Variants in RORA observed in about 807,000 individuals in gnomAD.
RORA encodes the protein RAR related orphan receptor A, also known as nuclear receptor ROR-alpha.
Under a neutral mutation model 69.5 loss-of-function variants are expected in RORA, and 7 were observed. The observed-to-expected ratio is 0.10, with a 90% CI of 0.06 to 0.19. RORA has a LOEUF of 0.19. Ranked by LOEUF, RORA falls within the 10% of genes least tolerant of loss-of-function variation. The pLI is 1.00. For missense variants in RORA, 457 were observed against 663.0 expected (o/e 0.69, Z 3.41); for synonymous variants, 261 against 240.8 (o/e 1.08, Z -0.78).
intron 1 of RORA, among the ~76,000 whole-genome samples, chr15:61,205,441 T>C (rs1221119234): frequency 6.6e-6 from 1 of 152,164 alleles, no homozygotes; most frequent in African/African-American, 2.4e-5. Context: ...TTCTCAACAA[T>C]TGGTTAAAGT....
rs573861189 is a variant in RORA at position 61,007,820 on chromosome 15, T to C, written c.166+221233A>G. 3.4e-5 allele frequency among the ~76,000 whole-genome samples: 5 copies of C among 147,642 alleles called. No homozygotes were observed. In the East Asian group the frequency reaches 7.9e-4, roughly 23 times the overall value. ...TAGGCTGTTACATATATAAAAAATA[T>C]TACATATTTATATATATAACATTAG... is the stretch of plus-strand genomic sequence containing the variant. On this transcript the variant is annotated intron_variant, in intron 1 of 10. Coordinates refer to ENST00000335670, the MANE Select transcript of RORA (RefSeq NM_134261.3).
chr15:61,015,464 T>C (rs1379140637), intron 1 of RORA, among the ~76,000 whole-genome samples: 2 of 148,728 alleles, frequency 1.3e-5, no homozygotes, highest in African/African-American at 5.0e-5. Flanking sequence ...ATTAATTACA[T>C]TGAAATACAC....
intron 1 of RORA, among the ~76,000 whole-genome samples, chr15:60,988,737 G>A (rs1433910985): frequency 1.3e-5 from 2 of 152,086 alleles, no homozygotes; most frequent in African/African-American, 4.8e-5. Context: ...TTCTCAATAA[G>A]GTACACAATG....
chr15:60,596,499 C>T (rs2042573323), intron 2 of RORA, among the ~76,000 whole-genome samples: 1 of 151,990 alleles, frequency 6.6e-6, no homozygotes, highest in African/African-American at 2.4e-5. Flanking sequence ...TTCCTATAAA[C>T]ACAATAGGGT....
At chr15:60,856,618 C>T (rs1031247570) in intron 1 of RORA, among the ~76,000 whole-genome samples, 1 of 151,570 alleles carries the variant, frequency 6.6e-6, no homozygotes, top group African/African-American at 2.4e-5. Context: ...TAACATTTTA[C>T]ATCATGCTTG....
rs2065807528 is a variant in RORA at position 60,514,650 on chromosome 15, T to C, written c.390A>G (p.Leu130=). ...ACATCCCTACGGCAAGGCATTTCTG[T>C]AATCGACAGTGTTGGCAGCGGTTTC... ...TSRNRCQHCR[L]QKCLAVGMSR... The change falls in exon 4 of 11, where the codon TTA becomes TTG. Residue 130 remains leucine, a synonymous_variant. Coordinates refer to ENST00000335670, the MANE Select transcript of RORA (RefSeq NM_134261.3). 1 of 1,614,050 alleles carries C rather than the reference T, an allele frequency of 6.2e-7. No homozygotes were observed. Among genetic ancestry groups the C allele is most frequent in the Non-Finnish European group, 8.5e-7 (1 of 1,180,024 alleles).
intron 1 of RORA, among the ~76,000 whole-genome samples, chr15:60,836,891 C>G (rs1228896121): frequency 6.6e-6 from 1 of 152,194 alleles, no homozygotes; most frequent in Non-Finnish European, 1.5e-5. Context: ...TTGCTTTACT[C>G]TTAGGCACCA....
intron 1 of RORA, among the ~76,000 whole-genome samples, chr15:60,996,071 G>GTTTTTTTTT (rs35698487): frequency 1.5e-5 from 2 of 135,230 alleles, no homozygotes. Context: ...CTTGTTTTTT[G>GTTTTTTTTT]TTTTTTTTTT....
chr15:60,549,386 A>AT (rs560251838), intron 2 of RORA, among the ~76,000 whole-genome samples: 2 of 152,308 alleles, frequency 1.3e-5, no homozygotes, highest in African/African-American at 4.8e-5. Flanking sequence ...CCATGAATTA[A>AT]TTTAAGAAAC....
At chr15:60,763,665 AG>A (rs1192524368) in intron 1 of RORA, among the ~76,000 whole-genome samples, 2 of 152,124 alleles carry the variant, frequency 1.3e-5, no homozygotes, top group Non-Finnish European at 2.9e-5. Context: ...AAAATATGCC[AG>A]GGGGGTAGCT....
At chr15:60,764,912 T>C (rs1253314196) in intron 1 of RORA, 2 of 152,084 alleles carry the variant, frequency 1.3e-5, no homozygotes, top group Admixed American at 6.6e-5. Context: ...GTTCATCATT[T>C]AGCTGGAGAT....
At chr15:60,915,926 C>T (rs906893035) in intron 1 of RORA, among the ~76,000 whole-genome samples, 11 of 152,090 alleles carry the variant, frequency 7.2e-5, no homozygotes, top group Non-Finnish European at 1.0e-4. Context: ...TAGCACATTG[C>T]GCTTCACATA....
intron 1 of RORA, among the ~76,000 whole-genome samples, chr15:60,864,373 G>A (rs1300630823): frequency 6.6e-6 from 1 of 152,078 alleles, no homozygotes; most frequent in Non-Finnish European, 1.5e-5. Flanking sequence ...AAACTTAAGG[G>A]TAGTGTCACA....
chr15:61,204,679 C>T (rs1274909335), intron 1 of RORA, among the ~76,000 whole-genome samples: 1 of 152,210 alleles, frequency 6.6e-6, no homozygotes. Flanking sequence ...GTCCCAGTGT[C>T]CATGTCAGAA....
chr15:61,212,744 C>T (rs2080005075), intron 1 of RORA, among the ~76,000 whole-genome samples: 1 of 152,122 alleles, frequency 6.6e-6, no homozygotes, highest in African/African-American at 2.4e-5. Context: ...AGTCCCAATC[C>T]ACTTTTGTGA....
intron 5 of RORA, among the ~76,000 whole-genome samples, chr15:60,508,163 T>C (rs1288758317): frequency 6.6e-6 from 1 of 152,192 alleles, no homozygotes; most frequent in Non-Finnish European, 1.5e-5. Context: ...GTCTCTCAGA[T>C]AAAGTCTGGA....
At chr15:60,558,082 G>A (rs2067419612) in intron 2 of RORA, 2 of 483,434 alleles carry the variant, frequency 4.1e-6, no homozygotes, top group South Asian at 4.4e-5. Context: ...AATTAAATAT[G>A]GGTGATGTTG....
At chr15:60,698,910 T>C (rs2070943892) in intron 1 of RORA, among the ~76,000 whole-genome samples, 1 of 152,136 alleles carries the variant, frequency 6.6e-6, no homozygotes, top group Non-Finnish European at 1.5e-5. Context: ...TTCTTGACTT[T>C]TGTATTTCCT....
chr15:61,067,000 A>T (rs2078270446), intron 1 of RORA, among the ~76,000 whole-genome samples: 1 of 151,938 alleles, frequency 6.6e-6, no homozygotes. Flanking sequence ...GAATGGCTGT[A>T]ACCCTGATTT....
Sources: allele counts gnomAD v4.1 joint callset (sites outside exome capture counted in the v4.1 genomes callset), GRCh38; gene constraint gnomAD v4.1.1; transcripts MANE v1.5; gene names NCBI Gene and HGNC (gene_info 2026-07-23, HGNC 2026-07-21).